Variants in DGKB observed in about 807,000 individuals in gnomAD.
The protein encoded by DGKB is diacylglycerol kinase beta, also known as 90 kDa diacylglycerol kinase.
Under a neutral mutation model 114.3 loss-of-function variants are expected in DGKB, and 67 were observed. The observed-to-expected ratio is 0.59, with a 90% CI of 0.48 to 0.72. The LOEUF (loss-of-function observed/expected upper bound fraction) is 0.72, where lower values mean the gene tolerates loss of function less well. Ranked by LOEUF, DGKB falls within the 30% of genes least tolerant of loss-of-function variation. The pLI, the probability that DGKB is intolerant of heterozygous loss-of-function variation, is 0.00. For synonymous variants in DGKB, 398 were observed against 323.1 expected (o/e 1.23, Z -2.49); for missense variants, 907 against 975.2 (o/e 0.93, Z 0.93).
At chr7:14,225,551 G>T (rs188578217) in intron 23 of DGKB, among the ~76,000 whole-genome samples, 16 of 152,086 alleles carry the variant, frequency 1.1e-4, no homozygotes, top group Non-Finnish European at 1.9e-4. Flanking sequence ...CTAGCTACTT[G>T]TATTAATGAA....
chr7:14,220,503 C>T (rs910576793), intron 23 of DGKB, among the ~76,000 whole-genome samples: 10 of 151,490 alleles, frequency 6.6e-5, no homozygotes, highest in African/African-American at 2.4e-4. Flanking sequence ...TATGTTACTA[C>T]CACACTGTCT....
At position 14,899,803 on chromosome 7, in the gene DGKB, C is replaced by T. The variant is rs982221490; in HGVS notation, c.-188+2789G>A. Among the ~76,000 whole-genome samples the T allele has an allele frequency of 7.2e-5, 11 of 152,088 alleles. No homozygotes were observed. The South Asian group carries it at 1.2e-3, about 17-fold the overall frequency. The stretch of plus-strand genomic sequence containing the variant: ...AGATCTCTCAAGCACTATCCACCCA[C>T]GGCATCCACAAAATAATATGCTCAA... On this transcript the variant is annotated intron_variant, in intron 1 of 25. Transcript: ENST00000402815.
chr7:14,450,192 T>C (rs960960761), intron 21 of DGKB, among the ~76,000 whole-genome samples: 12 of 152,146 alleles, frequency 7.9e-5, no homozygotes, highest in Non-Finnish European at 1.5e-4. Context: ...ATTGCCATGC[T>C]GGTTAACACC....
intron 5 of DGKB, among the ~76,000 whole-genome samples, chr7:14,720,510 T>C (rs1432695538): frequency 6.8e-6 from 1 of 147,554 alleles, no homozygotes; most frequent in Non-Finnish European, 1.5e-5. Context: ...TGTGTGTGTG[T>C]GTGTGTGTAT....
chr7:14,574,495 A>C, intron 19 of DGKB, 123 bp from the exon 20 acceptor site: 1 of 754,514 alleles, frequency 1.3e-6, no homozygotes, highest in Admixed American at 2.9e-5. Flanking sequence ...TTTGAAGCAC[A>C]TTCTGCCACC....
At chr7:14,287,316 C>T (rs976366990) in intron 23 of DGKB, among the ~76,000 whole-genome samples, 3 of 151,990 alleles carry the variant, frequency 2.0e-5, no homozygotes, top group Non-Finnish European at 4.4e-5. Context: ...AATGGGTTCT[C>T]GGGTTCTACA....
chr7:14,621,400 G>A lies in DGKB; in HGVS notation c.1262C>T (p.Thr421Ile). ...KNKMQRANSV[T>I]VDGQGLQVTP... ...TACCTGCAGGCCTTGTCCATCTACA[G>A]TAACAGAGTTGGCTCTTTGCATTTT... The change falls in exon 15 of 26, where the codon ACT (threonine) becomes ATT (isoleucine). Residue 421 changes from threonine to isoleucine, a missense_variant. Physicochemically the swap from Thr to Ile is moderately conservative, Grantham distance 89. This residue lies in a region of DGKB where 814 missense variants were observed against 856.6 expected (regional missense o/e 0.95). Coordinates refer to ENST00000402815, the MANE Select transcript of DGKB (RefSeq NM_001350709.2). 6.2e-7 allele frequency: 1 copy of A among 1,609,738 alleles called. No homozygotes were observed. Among genetic ancestry groups the A allele is most frequent in the Non-Finnish European group, 8.5e-7 (1 of 1,177,200 alleles).
intron 4 of DGKB, among the ~76,000 whole-genome samples, chr7:14,740,722 G>T (rs980841651): frequency 6.6e-6 from 1 of 152,134 alleles, no homozygotes; most frequent in African/African-American, 2.4e-5. Context: ...TAAATTAGGT[G>T]TAGGGAACTC....
At chr7:14,936,397 G>C (rs374190091) in intron 1 of DGKB, among the ~76,000 whole-genome samples, 1 of 152,074 alleles carries the variant, frequency 6.6e-6, no homozygotes, top group Admixed American at 6.6e-5. Context: ...CTTGTACACT[G>C]TCCCCAGTTT....
intron 1 of DGKB, among the ~76,000 whole-genome samples, chr7:14,921,748 G>A (rs1442274277): frequency 6.6e-6 from 1 of 152,138 alleles, no homozygotes; most frequent in East Asian, 1.9e-4. Context: ...AGAGTGGAAG[G>A]CAAGACTTAA....
At chr7:14,638,796 C>T (rs896493712) in intron 13 of DGKB, among the ~76,000 whole-genome samples, 1 of 152,074 alleles carries the variant, frequency 6.6e-6, no homozygotes, top group African/African-American at 2.4e-5. Context: ...AATCCTGGCA[C>T]TTTGGGAGGC....
chr7:14,612,010 T>C (rs928812931), intron 16 of DGKB, among the ~76,000 whole-genome samples: 2 of 151,692 alleles, frequency 1.3e-5, no homozygotes, highest in Non-Finnish European at 2.9e-5. Context: ...TATTATTTAA[T>C]GATTATTTTA....
chr7:14,902,309 T>A (rs1339815101), intron 1 of DGKB, among the ~76,000 whole-genome samples: 6 of 152,152 alleles, frequency 3.9e-5, no homozygotes, highest in Non-Finnish European at 8.8e-5. Context: ...ACTCTTGGAA[T>A]TAAATTTAGA....
intron 4 of DGKB, among the ~76,000 whole-genome samples, chr7:14,745,955 T>G (rs1480455388): frequency 6.6e-6 from 1 of 152,208 alleles, no homozygotes; most frequent in East Asian, 1.9e-4. Flanking sequence ...TTTCTGAAAT[T>G]TCTAAAGTAT....
intron 20 of DGKB, among the ~76,000 whole-genome samples, chr7:14,510,556 C>A (rs1787834135): frequency 6.6e-6 from 1 of 152,100 alleles, no homozygotes; most frequent in Non-Finnish European, 1.5e-5. Context: ...AAGTCTTGAG[C>A]CCCTCAGAGT....
intron 1 of DGKB, among the ~76,000 whole-genome samples, chr7:14,963,223 A>C (rs1786962583): frequency 6.6e-6 from 1 of 152,108 alleles, no homozygotes; most frequent in Non-Finnish European, 1.5e-5. Flanking sequence ...GGGGTTACTA[A>C]AAGGAGAACC....
intron 23 of DGKB, among the ~76,000 whole-genome samples, chr7:14,276,407 C>A (rs1304979152): frequency 1.3e-5 from 2 of 152,112 alleles, no homozygotes; most frequent in Non-Finnish European, 2.9e-5. Flanking sequence ...AAATCAATTA[C>A]AGTATGTCTA....
At position 14,148,247 on chromosome 7, in the gene DGKB, C is replaced by A. The variant is rs916856754; in HGVS notation, c.*884G>T. 6.6e-6 allele frequency: 1 copy of A among 152,570 alleles called. No individual in the cohort carries two copies. The allele number at this position is 152,570 out of a possible 1,614,324, so 9.5% of individuals were successfully genotyped here. A position where few individuals can be genotyped will look rare whatever the true frequency, so the allele number is the denominator to read the frequency against. On this transcript the variant is annotated 3_prime_UTR_variant, in exon 26 of 26. Coordinates refer to ENST00000402815, the MANE Select transcript of DGKB (RefSeq NM_001350709.2). ...GTCATCACAAAATTAATCACAGGAA[C>A]CCTAAATTTGCTCCACAATGCTTAA...
chr7:14,174,573 C>G (rs949029077), intron 25 of DGKB, among the ~76,000 whole-genome samples: 1 of 152,098 alleles, frequency 6.6e-6, no homozygotes, highest in South Asian at 2.1e-4. Context: ...TCTTTTGTTA[C>G]CAAGGCTGAT....
Sources: allele counts gnomAD v4.1 joint callset (sites outside exome capture counted in the v4.1 genomes callset), GRCh38; gene constraint gnomAD v4.1.1; regional missense constraint gnomAD v4.1.1; transcripts MANE v1.5; gene names NCBI Gene and HGNC (gene_info 2026-07-23, HGNC 2026-07-21).